The following PTPRM variants were observed in gnomAD, a reference collection of about 807,000 sequenced individuals.
The protein encoded by PTPRM is protein tyrosine phosphatase receptor type M, also known as receptor-type tyrosine-protein phosphatase mu.
Under a neutral mutation model 186.7 loss-of-function variants are expected in PTPRM, and 47 were observed. That is an observed-to-expected ratio of 0.25 (90% CI 0.20 to 0.32). The LOEUF is 0.32. PTPRM is among the 10% of genes least tolerant of loss of function. The pLI is 1.00. For synonymous variants in PTPRM, 668 were observed against 674.9 expected (o/e 0.99, Z 0.16); for missense variants, 1,494 against 1,865.0 (o/e 0.80, Z 3.66).
At chr18:7,991,848 T>C (rs149246498) in intron 7 of PTPRM, among the ~76,000 whole-genome samples, 1,568 of 152,200 alleles carry the variant, frequency 0.01, 9 homozygotes, top group South Asian at 0.033. Context: ...GAAAACTTAA[T>C]AGGAAAACCA....
At chr18:8,014,236 C>T (rs1450461827) in intron 7 of PTPRM, among the ~76,000 whole-genome samples, 1 of 152,032 alleles carries the variant, frequency 6.6e-6, no homozygotes, top group African/African-American at 2.4e-5. Context: ...GGCAATTAAA[C>T]TTTAAAAAAT....
At position 7,758,316 on chromosome 18, in the gene PTPRM, A is replaced by G. The variant is rs528185966; in HGVS notation, c.74-15833A>G. Among the ~76,000 whole-genome samples the G allele has an allele frequency of 2.0e-5, 3 of 152,344 alleles. No homozygotes were observed. The East Asian group carries it at 5.8e-4, about 29-fold the overall frequency. ...CACTGAGCTAAGACAAAAGCTTGTA[A>G]TCCAGAATGAGAATAGCAGCACCAT... On this transcript the variant is annotated intron_variant, in intron 1 of 32. Transcript: ENST00000580170.
At chr18:8,383,329 A>T (rs1260545850) in intron 29 of PTPRM, among the ~76,000 whole-genome samples, 1 of 146,168 alleles carries the variant, frequency 6.8e-6, no homozygotes, top group Non-Finnish European at 1.5e-5. Context: ...AAAAAAAAAA[A>T]AGGTAGATGC....
chr18:7,821,228 C>T (rs2045176252), intron 2 of PTPRM, among the ~76,000 whole-genome samples: 1 of 152,058 alleles, frequency 6.6e-6, no homozygotes, highest in Non-Finnish European at 1.5e-5. Context: ...AGTCTGGGTT[C>T]CTTTGAGTTA....
At chr18:8,072,894 T>A (rs1250407409) in intron 8 of PTPRM, among the ~76,000 whole-genome samples, 1 of 152,180 alleles carries the variant, frequency 6.6e-6, no homozygotes, top group East Asian at 1.9e-4. Context: ...ATTAGTAGTA[T>A]ATTAATTATT....
intron 19 of PTPRM, among the ~76,000 whole-genome samples, chr18:8,260,330 C>A (rs549870259): frequency 1.6e-4 from 25 of 152,098 alleles, no homozygotes; most frequent in Non-Finnish European, 2.8e-4. Flanking sequence ...GCCCAGCTAA[C>A]TTTTTTAATT....
At chr18:7,631,725 G>T (rs1312833918) in intron 1 of PTPRM, among the ~76,000 whole-genome samples, 4 of 152,112 alleles carry the variant, frequency 2.6e-5, no homozygotes, top group Admixed American at 2.0e-4. Context: ...TCTTCTTCCA[G>T]TGTGGCCCAG....
intron 5 of PTPRM, among the ~76,000 whole-genome samples, chr18:7,938,804 T>C (rs896741113): frequency 6.6e-6 from 1 of 152,204 alleles, no homozygotes; most frequent in South Asian, 2.1e-4. Flanking sequence ...CCAATAATAA[T>C]AGGATATAAC....
At chr18:8,379,071 T>G in intron 27 of PTPRM, 96 bp from the exon 28 acceptor site, 1 of 1,029,780 alleles carries the variant, frequency 9.7e-7, no homozygotes. Flanking sequence ...CGTCTTGCAG[T>G]CAGCCACAGG....
In PTPRM at chr18:7,567,772, C is replaced by T. The variant is rs751536774; in HGVS notation, c.-47C>T. 5 of 1,493,116 alleles carry T rather than the reference C, an allele frequency of 3.3e-6. No homozygotes were observed. The highest frequency in any genetic ancestry group is 1.8e-6 in the Non-Finnish European group (2 of 1,124,438). The allele number at this position is 1,493,116 out of a possible 1,614,324, so 92.5% of individuals were successfully genotyped here. ...GCTCCCGGCCCCCTCCGCCCTCGCG[C>T]GCCCACCCACCGCCGCCGGGGAGCG... On this transcript the variant is annotated 5_prime_UTR_variant, in exon 1 of 33. Coordinates refer to ENST00000580170, the MANE Select transcript of PTPRM (RefSeq NM_001105244.2). The surrounding 1 kb of genome is among the most constrained non-coding windows in gnomAD (Gnocchi z 4.3).
intron 17 of PTPRM, among the ~76,000 whole-genome samples, chr18:8,252,114 A>G (rs2094533365): frequency 6.6e-6 from 1 of 152,234 alleles, no homozygotes; most frequent in Non-Finnish European, 1.5e-5. Flanking sequence ...GAGCCTCTTT[A>G]GGCTTCTTTG....
intron 7 of PTPRM, among the ~76,000 whole-genome samples, chr18:8,009,606 T>C (rs2084397508): frequency 6.6e-6 from 1 of 151,774 alleles, no homozygotes. Context: ...TACTTGGGAG[T>C]CTGAGGCAGG....
At chr18:8,368,246 G>T (rs979170360) in intron 23 of PTPRM, among the ~76,000 whole-genome samples, 6 of 151,262 alleles carry the variant, frequency 4.0e-5, no homozygotes, top group Non-Finnish European at 7.4e-5. Context: ...TATGGTGCTG[G>T]ACACTCTTGA....
intron 4 of PTPRM, among the ~76,000 whole-genome samples, chr18:7,923,033 C>T (rs1372924720): frequency 6.6e-6 from 1 of 152,176 alleles, no homozygotes; most frequent in Non-Finnish European, 1.5e-5. Flanking sequence ...GCCAATAGCA[C>T]TGCCTTTTAG....
chr18:7,694,919 G>T (rs2039811967), intron 1 of PTPRM, among the ~76,000 whole-genome samples: 1 of 152,074 alleles, frequency 6.6e-6, no homozygotes, highest in Admixed American at 6.6e-5. Flanking sequence ...TTTATTGAAG[G>T]CTTACTGACG....
At chr18:7,858,784 T>C (rs2047209539) in intron 2 of PTPRM, among the ~76,000 whole-genome samples, 1 of 152,244 alleles carries the variant, frequency 6.6e-6, no homozygotes. Flanking sequence ...TTCCATCTAC[T>C]AAATAATGTG....
intron 4 of PTPRM, among the ~76,000 whole-genome samples, chr18:7,923,821 ATCT>A (rs1201442584): frequency 6.6e-6 from 1 of 152,200 alleles, no homozygotes; most frequent in Non-Finnish European, 1.5e-5. Context: ...TTCTTTCTGC[ATCT>A]TCTTTTGCTC....
At chr18:8,098,476 C>A (rs576860048) in intron 11 of PTPRM, among the ~76,000 whole-genome samples, 1 of 152,094 alleles carries the variant, frequency 6.6e-6, no homozygotes, top group Non-Finnish European at 1.5e-5. Context: ...CTTCATTTAA[C>A]TAGTGGGACA....
chr18:7,825,200 A>G (rs1011916020), intron 2 of PTPRM, among the ~76,000 whole-genome samples: 1 of 152,146 alleles, frequency 6.6e-6, no homozygotes, highest in Non-Finnish European at 1.5e-5. Flanking sequence ...GAAAGAGGAA[A>G]TTGCTAAGGC....
Sources: gnomAD v4.1 joint callset for allele counts (sites outside exome capture counted in the v4.1 genomes callset) on GRCh38, gnomAD v4.1.1 for gene constraint, Gnocchi (gnomAD v3.1) non-coding constraint, MANE v1.5 for transcripts, NCBI Gene and HGNC (gene_info 2026-07-23, HGNC 2026-07-21) for gene names.